Variants in ITGB6 observed in about 807,000 individuals in gnomAD.
ITGB6 encodes the protein integrin subunit beta 6.
Under a neutral mutation model 84.5 loss-of-function variants are expected in ITGB6, and 80 were observed. The ratio of observed to expected loss-of-function variants is 0.95; its 90% CI spans 0.79 to 1.14. The LOEUF (loss-of-function observed/expected upper bound fraction) is 1.14, where lower values mean the gene tolerates loss of function less well. Among genes scored for constraint, ITGB6 ranks in the 50% most tolerant of loss-of-function variants. The pLI, the probability that ITGB6 is intolerant of heterozygous loss-of-function variation, is 0.00. For synonymous variants in ITGB6, 383 were observed against 354.9 expected (o/e 1.08, Z -0.89); for missense variants, 1,006 against 968.0 (o/e 1.04, Z -0.52).
chr2:160,167,907 T>C (rs1685061788), intron 7 of ITGB6, among the ~76,000 whole-genome samples: 1 of 152,154 alleles, frequency 6.6e-6, no homozygotes, highest in Non-Finnish European at 1.5e-5. Flanking sequence ...GGAGAAGGTG[T>C]TGTGACCCCC....
intron 4 of ITGB6, among the ~76,000 whole-genome samples, chr2:160,181,577 C>A (rs774424828): frequency 6.6e-6 from 1 of 152,232 alleles, no homozygotes; most frequent in Non-Finnish European, 1.5e-5. Flanking sequence ...CAGACTTAAA[C>A]GTCCCTGCCT....
At chr2:160,121,712 G>C (rs1194252934) in intron 12 of ITGB6, among the ~76,000 whole-genome samples, 1 of 150,736 alleles carries the variant, frequency 6.6e-6, no homozygotes, top group Non-Finnish European at 1.5e-5. Flanking sequence ...AGAATGCAGT[G>C]AGCCTTGATC....
intron 4 of ITGB6, among the ~76,000 whole-genome samples, chr2:160,181,608 T>C (rs972919050): frequency 6.6e-6 from 1 of 152,296 alleles, no homozygotes; most frequent in African/African-American, 2.4e-5. Flanking sequence ...AACAGAGCAG[T>C]GAATCTCCCA....
chr2:160,115,524 T>C (rs920841949), intron 12 of ITGB6, among the ~76,000 whole-genome samples: 2 of 152,012 alleles, frequency 1.3e-5, no homozygotes, highest in East Asian at 3.9e-4. Flanking sequence ...ATCAGCATCA[T>C]CAAAGACCAA....
chr2:160,157,748 C>CCA (rs36008580), intron 7 of ITGB6, among the ~76,000 whole-genome samples: 1 of 84,146 alleles, frequency 1.2e-5, no homozygotes, highest in Non-Finnish European at 2.2e-5. Context: ...AGCACAGAGG[C>CCA]AAAAAAAAAA....
At chr2:160,109,636 A>G (rs1341840863) in intron 13 of ITGB6, among the ~76,000 whole-genome samples, 1 of 152,228 alleles carries the variant, frequency 6.6e-6, no homozygotes, top group African/African-American at 2.4e-5. Flanking sequence ...AGAGATCATC[A>G]CTTTTCATAC....
intron 14 of ITGB6, among the ~76,000 whole-genome samples, chr2:160,104,965 G>A (rs1388576733): frequency 6.6e-6 from 1 of 152,180 alleles, no homozygotes; most frequent in Non-Finnish European, 1.5e-5. Context: ...ATTGTCTCTG[G>A]AGGGCACTGG....
chr2:160,182,279 C>T (rs2105881853), intron 4 of ITGB6, among the ~76,000 whole-genome samples: 1 of 152,200 alleles, frequency 6.6e-6, no homozygotes, highest in East Asian at 1.9e-4. Flanking sequence ...CCAGAACAAC[C>T]AGTCTAGAGA....
chr2:160,117,796 G>A (rs1416173869), intron 12 of ITGB6, among the ~76,000 whole-genome samples: 1 of 151,552 alleles, frequency 6.6e-6, no homozygotes, highest in African/African-American at 2.4e-5. Context: ...AAAGAGAGAA[G>A]AATCAGATAG....
chr2:160,195,950 G>A (rs1049899174), intron 3 of ITGB6, among the ~76,000 whole-genome samples: 14 of 152,188 alleles, frequency 9.2e-5, no homozygotes, highest in Admixed American at 8.5e-4. Flanking sequence ...TACAACCCTT[G>A]AAGAAATGTG....
At chr2:160,188,734 G>A (rs941131826) in intron 4 of ITGB6, among the ~76,000 whole-genome samples, 3 of 152,020 alleles carry the variant, frequency 2.0e-5, no homozygotes, top group African/African-American at 7.2e-5. Flanking sequence ...CTCCTGAGTA[G>A]CTGGGATTAC....
intron 7 of ITGB6, among the ~76,000 whole-genome samples, chr2:160,159,673 C>A (rs1353037973): frequency 6.6e-6 from 1 of 152,148 alleles, no homozygotes; most frequent in Non-Finnish European, 1.5e-5. Flanking sequence ...GAGTCCTTTG[C>A]TGCCTCAGGG....
At chr2:160,140,632 T>C (rs957086357) in intron 8 of ITGB6, among the ~76,000 whole-genome samples, 1 of 152,208 alleles carries the variant, frequency 6.6e-6, no homozygotes, top group Non-Finnish European at 1.5e-5. Context: ...AAGGTTTTTA[T>C]AGCGTTTTGT....
chr2:160,123,172 T>C (rs1683107151), intron 12 of ITGB6, among the ~76,000 whole-genome samples: 2 of 152,222 alleles, frequency 1.3e-5, no homozygotes, highest in Non-Finnish European at 2.9e-5. Context: ...GTAATTAAAT[T>C]TAAAATGACA....
intron 8 of ITGB6, among the ~76,000 whole-genome samples, chr2:160,141,098 A>AT (rs1354383968): frequency 6.6e-6 from 1 of 152,124 alleles, no homozygotes; most frequent in Admixed American, 6.6e-5. Flanking sequence ...TTAAAACATC[A>AT]AAAATCAGGA....
At chr2:160,125,079 A>C (rs1479913030) in intron 11 of ITGB6, among the ~76,000 whole-genome samples, 2 of 152,106 alleles carry the variant, frequency 1.3e-5, no homozygotes, top group Admixed American at 1.3e-4. Context: ...TATTTCCCCT[A>C]TTAAAACTGT....
Position 160,138,012 on chromosome 2 carries a change from A to T in ITGB6, c.1242+53T>A, listed in dbSNP as rs1011015993. 4 of 1,559,452 alleles carry T rather than the reference A, an allele frequency of 2.6e-6. No individual in the cohort carries two copies. The African/African-American group carries it at 5.5e-5, about 21-fold the overall frequency. On this transcript the variant is annotated intron_variant, in intron 9 of 14. Transcript: ENST00000283249. ...AATCCAGCTTCAGTGAGCTCAGCTAATTTCTGACCCATCCAGGTATTTATT... is the reference window on the plus strand; with the variant it reads ...AATCCAGCTTCAGTGAGCTCAGCTATTTTCTGACCCATCCAGGTATTTATT...
chr2:160,134,379 C>A (rs992413537), intron 10 of ITGB6, among the ~76,000 whole-genome samples: 4 of 152,150 alleles, frequency 2.6e-5, no homozygotes, highest in South Asian at 2.1e-4. Flanking sequence ...TCTGAATAGA[C>A]CAATAACAGG....
chr2:160,145,851 C>T (rs1448140838), intron 7 of ITGB6, among the ~76,000 whole-genome samples: 1 of 152,178 alleles, frequency 6.6e-6, no homozygotes, highest in African/African-American at 2.4e-5. Flanking sequence ...GCAGAAGGGG[C>T]AGCTCCTGAT....
Sources: gnomAD v4.1 joint callset for allele counts (sites outside exome capture counted in the v4.1 genomes callset) on GRCh38, gnomAD v4.1.1 for gene constraint, MANE v1.5 for transcripts, NCBI Gene and HGNC (gene_info 2026-07-23, HGNC 2026-07-21) for gene names.